The following WDFY3 variants were observed in gnomAD, a reference collection of about 807,000 sequenced individuals.
The protein encoded by WDFY3 is WD repeat and FYVE domain-containing protein 3.
WDFY3 carries 66 observed loss-of-function variants against 409.6 expected under a neutral mutation model. That is an observed-to-expected ratio of 0.16 (90% CI 0.13 to 0.20). The LOEUF (loss-of-function observed/expected upper bound fraction) is 0.20. Among genes scored for constraint, WDFY3 ranks in the 10% least tolerant of loss-of-function variants. The pLI is 1.00. For synonymous variants in WDFY3, 1,521 were observed against 1,537.1 expected (o/e 0.99, Z 0.25); for missense variants, 3,031 against 4,298.1 (o/e 0.71, Z 8.24).
intron 3 of WDFY3, among the ~76,000 whole-genome samples, chr4:84,894,350 A>T (rs1765330297): frequency 6.6e-6 from 1 of 152,194 alleles, no homozygotes; most frequent in African/African-American, 2.4e-5. Context: ...GAATCATCTA[A>T]GAGTACTTTT....
At chr4:84,761,211 C>G (rs371305420) in intron 32 of WDFY3, among the ~76,000 whole-genome samples, 8 of 152,122 alleles carry the variant, frequency 5.3e-5, no homozygotes, top group South Asian at 2.1e-4. Context: ...TTGCTGAGGA[C>G]AGCTTTACTT....
At chr4:84,771,188 G>C (rs1165970193) in intron 30 of WDFY3, among the ~76,000 whole-genome samples, 1 of 152,120 alleles carries the variant, frequency 6.6e-6, no homozygotes, top group African/African-American at 2.4e-5. Context: ...CCAGGTTGAA[G>C]GTCAGTGGCA....
At chr4:84,751,325 C>A in intron 36 of WDFY3, 158 bp downstream of exon 36, 1 of 712,624 alleles carries the variant, frequency 1.4e-6, no homozygotes, top group Non-Finnish European at 2.3e-6. Flanking sequence ...GGGTTTAAAG[C>A]ACATGTGGGA....
Position 84,787,652 on chromosome 4 carries a change from G to A in WDFY3, c.3731C>T (p.Thr1244Met), listed in dbSNP as rs755448011. ...TGGAGTACCAATGTAGGCATAGACC[G>A]TGCTCACCACTGGTGGATTTGCCGA... The part of the protein sequence containing the change: ...SGSANPPVVS[T>M]VYAYIGTPPA... Residue 1244 changes from threonine (T) to methionine (M), a missense_variant, in exon 23 of 68, where the codon ACG (threonine) becomes ATG (methionine). Thr to Met is a moderately conservative substitution (Grantham distance 81). Transcript: ENST00000295888. 1.2e-5 allele frequency: 20 copies of A among 1,614,022 alleles called. No individual in the cohort carries two copies. Among genetic ancestry groups the A allele is most frequent in the East Asian group, 2.2e-5 (1 of 44,884 alleles).
chr4:84,785,776 C>A (rs1338086377), intron 24 of WDFY3, among the ~76,000 whole-genome samples: 1 of 152,098 alleles, frequency 6.6e-6, no homozygotes. Flanking sequence ...GTACTCATAA[C>A]AGAAACTGTC....
intron 3 of WDFY3, 76 bp downstream of exon 3, chr4:84,896,833 AGT>A (rs1488099408): frequency 1.3e-5 from 2 of 152,232 alleles, no homozygotes; most frequent in Non-Finnish European, 2.9e-5. Flanking sequence ...CATAATTAAC[AGT>A]CTTTGTTTAT....
chr4:84,708,109 T>C (rs1732281733), intron 53 of WDFY3, among the ~76,000 whole-genome samples: 1 of 152,198 alleles, frequency 6.6e-6, no homozygotes, highest in African/African-American at 2.4e-5. Flanking sequence ...CAGATGTCTA[T>C]CAGACAGGAG....
chr4:84,754,416 T>A lies in WDFY3; in HGVS notation c.5560-540A>T, dbSNP rs543033158. ...AACTTTTCTTATGTCTTTATAGTTGTTTATGAATAGGCACCAAAACGAGAC... is the reference window on the plus strand; with the variant it reads ...AACTTTTCTTATGTCTTTATAGTTGATTATGAATAGGCACCAAAACGAGAC... On this transcript the variant is annotated intron_variant, in intron 34 of 67. Coordinates refer to ENST00000295888, the MANE Select transcript of WDFY3 (RefSeq NM_014991.6). Among the ~76,000 whole-genome samples the A allele has an allele frequency of 8.5e-5, 13 of 152,322 alleles. No homozygotes were observed. In the South Asian group the frequency reaches 2.7e-3, roughly 32 times the overall value.
chr4:84,763,050 T>C (rs923162347), intron 32 of WDFY3, among the ~76,000 whole-genome samples: 1 of 151,086 alleles, frequency 6.6e-6, no homozygotes, highest in Admixed American at 6.6e-5. Context: ...TTGCAAGTCC[T>C]AAAAAAAAAC....
chr4:84,951,360 G>T (rs1183212743), intron 1 of WDFY3, among the ~76,000 whole-genome samples: 2 of 152,100 alleles, frequency 1.3e-5, no homozygotes, highest in Admixed American at 6.5e-5. Flanking sequence ...AGTCACAGTG[G>T]GTTGAACTCT....
intron 53 of WDFY3, among the ~76,000 whole-genome samples, chr4:84,708,245 T>C (rs144307442): frequency 6.6e-6 from 1 of 152,208 alleles, no homozygotes; most frequent in Non-Finnish European, 1.5e-5. Context: ...GTATAAAAAA[T>C]TTCTTTTATA....
At chr4:84,907,776 G>GAA (rs1767240081) in intron 2 of WDFY3, among the ~76,000 whole-genome samples, 1 of 152,220 alleles carries the variant, frequency 6.6e-6, no homozygotes, top group East Asian at 1.9e-4. Flanking sequence ...CAGACACAGG[G>GAA]AAAAAATAAG....
intron 44 of WDFY3, among the ~76,000 whole-genome samples, chr4:84,727,458 T>G (rs1735844169): frequency 6.6e-6 from 1 of 152,096 alleles, no homozygotes; most frequent in African/African-American, 2.4e-5. Context: ...CTTCACTACC[T>G]TTACCATCCC....
Position 84,729,142 on chromosome 4 carries a change from T to C in WDFY3, c.7222-2231A>G, listed in dbSNP as rs930947869. Among the ~76,000 whole-genome samples the C allele has an allele frequency of 3.3e-5, 5 of 152,226 alleles. No homozygotes were observed. The South Asian group carries it at 6.2e-4, about 19-fold the overall frequency. On this transcript the variant is annotated intron_variant, in intron 44 of 67. Coordinates refer to ENST00000295888, the MANE Select transcript of WDFY3 (RefSeq NM_014991.6). Reference sequence around the variant, plus strand: ...GACAAACTCTTCACTGTAATGAACTTTGCAAATAATAGTAAATGTGTTTGA... The same window carrying C: ...GACAAACTCTTCACTGTAATGAACTCTGCAAATAATAGTAAATGTGTTTGA...
chr4:84,870,523 T>C lies in WDFY3; in HGVS notation c.-31-9901A>G, dbSNP rs1259762538. Among the ~76,000 whole-genome samples, 4 of 152,078 alleles carry C rather than the reference T, an allele frequency of 2.6e-5. No individual in the cohort carries two copies. The East Asian group carries it at 7.7e-4, about 29-fold the overall frequency. On this transcript the variant is annotated intron_variant, in intron 3 of 67. Coordinates refer to ENST00000295888, the MANE Select transcript of WDFY3 (RefSeq NM_014991.6). ...CAACTTTCCAGGGTTGCAATCACAC[T>C]AGGTTTTCAAGATCTGAGAAAGATC...
chr4:84,773,757 G>C (rs1016476455), intron 29 of WDFY3, among the ~76,000 whole-genome samples: 2 of 152,150 alleles, frequency 1.3e-5, no homozygotes, highest in Non-Finnish European at 2.9e-5. Flanking sequence ...TTTCACCCTT[G>C]TCACCCAGGC....
intron 17 of WDFY3, 70 bp downstream of exon 17, chr4:84,801,580 C>T: frequency 6.8e-7 from 1 of 1,474,026 alleles, no homozygotes; most frequent in Non-Finnish European, 9.1e-7. Context: ...GGCAGGAATT[C>T]TGGAATCATA....
intron 3 of WDFY3, among the ~76,000 whole-genome samples, chr4:84,883,177 G>A (rs1253886724): frequency 6.6e-6 from 1 of 152,134 alleles, no homozygotes; most frequent in African/African-American, 2.4e-5. Flanking sequence ...CAAAATGTAA[G>A]AATGATTACT....
intron 51 of WDFY3, among the ~76,000 whole-genome samples, chr4:84,711,517 T>C (rs1042978080): frequency 1.3e-5 from 2 of 151,938 alleles, no homozygotes; most frequent in South Asian, 4.2e-4. Flanking sequence ...GAAATATACA[T>C]TAAAAATCAG....
Sources: allele counts gnomAD v4.1 joint callset (sites outside exome capture counted in the v4.1 genomes callset), GRCh38; gene constraint gnomAD v4.1.1; transcripts MANE v1.5; gene names NCBI Gene and HGNC (gene_info 2026-07-23, HGNC 2026-07-21).